The following PRH1 variants were observed in gnomAD, a reference collection of about 807,000 sequenced individuals.
PRH1 encodes the protein proline rich protein HaeIII subfamily 1, also known as salivary acidic proline-rich phosphoprotein 1/2.
A neutral mutation model predicts 7.9 loss-of-function variants in PRH1; 7 were observed. The ratio of observed to expected loss-of-function variants is 0.89; its 90% confidence interval spans 0.50 to 1.67. The LOEUF (loss-of-function observed/expected upper bound fraction) is 1.67. PRH1 is among the 40% of genes most tolerant of loss of function. The pLI, the probability that PRH1 is intolerant of heterozygous loss-of-function variation, is 0.00. For synonymous variants in PRH1, 45 were observed against 80.8 expected, an observed-to-expected ratio of 0.56 and a Z score of 2.38; for missense variants, 109 against 223.6, an observed-to-expected ratio of 0.49 and a Z score of 3.27.
intron 2 of PRH1, among the ~76,000 whole-genome samples, chr12:10,906,165 C>G (rs1272826564): frequency 6.6e-6 from 1 of 152,140 alleles, no homozygotes; most frequent in Non-Finnish European, 1.5e-5. Flanking sequence ...ACTATTGAAA[C>G]AGGTTACTAA....
chr12:10,960,042 C>G (rs73262937), intron 2 of PRH1, among the ~76,000 whole-genome samples: 1 of 152,150 alleles, frequency 6.6e-6, no homozygotes, highest in African/African-American at 2.4e-5. Flanking sequence ...ATTGGCAACA[C>G]GCACTCACTG....
intron 1 of PRH1, chr12:10,986,154 A>G: frequency 1.9e-6 from 3 of 1,614,084 alleles, no homozygotes; most frequent in Non-Finnish European, 2.5e-6. Flanking sequence ...GGCACATAAC[A>G]AGAGGAAGGA....
chr12:10,912,137 AG>A (rs1949909284), intron 2 of PRH1, among the ~76,000 whole-genome samples: 1 of 152,184 alleles, frequency 6.6e-6, no homozygotes, highest in Non-Finnish European at 1.5e-5. Context: ...ATTGCTGTAT[AG>A]TATTAATGGA....
chr12:11,039,246 CTT>C (rs1200314957), intron 1 of PRH1, among the ~76,000 whole-genome samples: 1 of 152,196 alleles, frequency 6.6e-6, no homozygotes, highest in Non-Finnish European at 1.5e-5. Context: ...CTTTACCTGA[CTT>C]TTACTTCTAT....
At chr12:11,027,787 G>T (rs1005065695) in intron 1 of PRH1, among the ~76,000 whole-genome samples, 6 of 152,168 alleles carry the variant, frequency 3.9e-5, no homozygotes, top group African/African-American at 1.4e-4. Context: ...CAAGCCTGTT[G>T]GAGAGGGGAG....
At chr12:10,928,891 AC>A (rs1950160612) in intron 2 of PRH1, among the ~76,000 whole-genome samples, 1 of 152,212 alleles carries the variant, frequency 6.6e-6, no homozygotes, top group African/African-American at 2.4e-5. Flanking sequence ...ACTCACATAC[AC>A]ACAAATGAAA....
chr12:10,919,309 G>C (rs1278239148), intron 2 of PRH1, among the ~76,000 whole-genome samples: 1 of 152,072 alleles, frequency 6.6e-6, no homozygotes, highest in Non-Finnish European at 1.5e-5. Context: ...TGTTGCACTG[G>C]AGTTTCCTCA....
At chr12:10,996,915 C>G in intron 1 of PRH1, 1 of 1,534,140 alleles carries the variant, frequency 6.5e-7, no homozygotes, top group Non-Finnish European at 8.8e-7. Flanking sequence ...TTGTTTTCTG[C>G]TAGAAAACAC....
intron 2 of PRH1, among the ~76,000 whole-genome samples, chr12:10,922,269 C>T (rs1442673440): frequency 6.6e-6 from 1 of 152,036 alleles, no homozygotes; most frequent in Non-Finnish European, 1.5e-5. Flanking sequence ...GAATATGTGC[C>T]TCATTCATCT....
rs1471180847 is a variant in PRH1, at chr12:11,105,980, G to A, written n.124-58792C>T. 7.2e-4 allele frequency among the ~76,000 whole-genome samples: 27 copies of A among 37,256 alleles called. 3 individuals carry two copies. In the East Asian group the frequency reaches 8.0e-3, roughly 11 times the overall value. 24.4% of individuals were successfully genotyped at this position (37,256 alleles called of 152,430 possible). ...TTTTGAGACGGAGTCTCACTCTTTC[G>A]CCCAAGCTGGACTGCAGTGGTGCTA... On this transcript the variant is annotated intron_variant and non_coding_transcript_variant, in intron 1 of 4. Transcript: ENST00000541977.
chr12:11,116,884 T>C (rs573737610), downstream of PRH1, among the ~76,000 whole-genome samples: 4 of 152,048 alleles, frequency 2.6e-5, no homozygotes, highest in Non-Finnish European at 1.5e-5. Context: ...TCCTTCATGA[T>C]AAAAACCCTC....
chr12:11,136,266 A>T (rs952488868), intron 1 of PRH1, among the ~76,000 whole-genome samples: 2 of 151,984 alleles, frequency 1.3e-5, no homozygotes, highest in Admixed American at 6.5e-5. Context: ...GGCTTCTTGG[A>T]CTCAACATTA....
intron 2 of PRH1, among the ~76,000 whole-genome samples, chr12:10,934,668 T>C (rs956943213): frequency 6.6e-6 from 1 of 152,028 alleles, no homozygotes; most frequent in Non-Finnish European, 1.5e-5. Flanking sequence ...CACTAAGGTG[T>C]ACTAATGAAT....
chr12:11,149,934 A>G (rs1947010710), intron 1 of PRH1, among the ~76,000 whole-genome samples: 1 of 134,214 alleles, frequency 7.5e-6, no homozygotes, highest in Non-Finnish European at 1.7e-5. Flanking sequence ...ACAAAGGGCT[A>G]ATATCCAGAA....
chr12:11,030,638 A>C, intron 1 of PRH1: 1 of 1,570,932 alleles, frequency 6.4e-7, no homozygotes, highest in East Asian at 2.3e-5. Context: ...CAAGAGGAAA[A>C]AGATCACAGT....
Position 11,080,908 on chromosome 12 carries a change from A to G in PRH1, n.124-33720T>C, listed in dbSNP as rs1217403188. ...TGTATTCAGAATGCAGTTCTTTTCA[A>G]CATACTCTATCTTCAACCTCTAGCT... On this transcript the variant is annotated intron_variant and non_coding_transcript_variant, in intron 1 of 4. Coordinates refer to the PRH1 transcript ENST00000541977. 2.3e-4 allele frequency among the ~76,000 whole-genome samples: 8 copies of G among 35,208 alleles called. 2 individuals carry two copies. The highest frequency in any genetic ancestry group is 4.4e-4 in the African/African-American group (8 of 18,314). 23.1% of individuals were successfully genotyped at this position (35,208 alleles called of 152,430 possible).
intron 2 of PRH1, chr12:10,930,307 A>G (rs763525143): frequency 9.9e-6 from 16 of 1,610,562 alleles, no homozygotes; most frequent in African/African-American, 1.3e-5. Flanking sequence ...AATATCAGGT[A>G]AATCCCAATA....
chr12:11,056,603 A>G (rs2136166996), intron 1 of PRH1, among the ~76,000 whole-genome samples: 1 of 152,212 alleles, frequency 6.6e-6, no homozygotes, highest in South Asian at 2.1e-4. Context: ...GGATCACCTG[A>G]GGTTAGGACT....
chr12:11,170,820 G>T (rs1947812689), intron 1 of PRH1, among the ~76,000 whole-genome samples: 1 of 152,152 alleles, frequency 6.6e-6, no homozygotes, highest in Admixed American at 6.5e-5. Context: ...AAAATCCAAA[G>T]ACTAAGATTG....
Sources: gnomAD v4.1 joint callset for allele counts (sites outside exome capture counted in the v4.1 genomes callset) on GRCh38, gnomAD v4.1.1 for gene constraint, MANE v1.5 for transcripts, NCBI Gene and HGNC (gene_info 2026-07-23, HGNC 2026-07-21) for gene names.